The following RAB8A variants were observed in gnomAD, a reference collection of about 807,000 sequenced individuals.
RAB8A encodes ras-related protein Rab-8A.
A neutral mutation model predicts 29.2 loss-of-function variants in RAB8A; 5 were observed. That is an observed-to-expected ratio of 0.17 (90% CI 0.09 to 0.36). The LOEUF (loss-of-function observed/expected upper bound fraction) is 0.36, where lower values mean the gene tolerates loss of function less well. Among genes scored for constraint, RAB8A ranks in the 10% least tolerant of loss-of-function variants. The probability of loss-of-function intolerance (pLI) is 1.00; values close to 1 mark genes in which losing one functional copy is unlikely to be tolerated. For missense variants in RAB8A, 171 were observed against 272.2 expected (o/e 0.63, Z 2.62); for synonymous variants, 108 against 99.9 (o/e 1.08, Z -0.49).
At chr19:16,123,593 C>G (rs2090884394) in intron 3 of RAB8A, 1 of 152,152 alleles carries the variant, frequency 6.6e-6, no homozygotes, top group Admixed American at 6.5e-5. Flanking sequence ...GGCAGCAGAG[C>G]AAGTATCCGT....
intron 1 of RAB8A, 109 bp from the exon 2 acceptor site, chr19:16,118,117 T>TCTC: frequency 1.2e-6 from 1 of 827,512 alleles, no homozygotes; most frequent in Non-Finnish European, 2.0e-6. Context: ...CCAGGCAGGG[T>TCTC]CTCCGTAAGC....
At chr19:16,119,894 A>C (rs947481660) in intron 2 of RAB8A, among the ~76,000 whole-genome samples, 1 of 151,372 alleles carries the variant, frequency 6.6e-6, no homozygotes, top group East Asian at 2.0e-4. Context: ...GCTCACTGCA[A>C]CCTCCGCCTC....
At chr19:16,112,966 G>A (rs1420426559) in intron 1 of RAB8A, among the ~76,000 whole-genome samples, 1 of 152,154 alleles carries the variant, frequency 6.6e-6, no homozygotes, top group Non-Finnish European at 1.5e-5. Flanking sequence ...AACTAAATCA[G>A]CCACTGCCAC....
At chr19:16,129,851 C>T (rs2090917647) in intron 7 of RAB8A, among the ~76,000 whole-genome samples, 1 of 152,192 alleles carries the variant, frequency 6.6e-6, no homozygotes, top group Admixed American at 6.5e-5. Flanking sequence ...TAGCAGGGAG[C>T]ACACGGCCTT....
chr19:16,124,212 G>A (rs1347568540), intron 3 of RAB8A: 1 of 152,176 alleles, frequency 6.6e-6, no homozygotes, highest in East Asian at 1.9e-4. Context: ...GAGGTTCTTC[G>A]CCATGGTTGC....
At position 16,132,502 on chromosome 19, in the gene RAB8A, T is replaced by C; in HGVS notation, c.*198T>C. On this transcript the variant is annotated 3_prime_UTR_variant, in exon 8 of 8. Transcript: ENST00000300935. This position sits in a 1 kb window ranked among gnomAD's most constrained non-coding sequence, Gnocchi z 5.6. The stretch of plus-strand genomic sequence containing the variant: ...ATCTTTTTCAACTTTGGAGATGGAA[T>C]AAGTTAAAAATTTGCTATTTTTCCT... 1 of 597,036 alleles carries C rather than the reference T, an allele frequency of 1.7e-6. No individual in the cohort carries two copies. The highest frequency in any genetic ancestry group is 3.0e-6 in the Non-Finnish European group (1 of 337,484). The allele number at this position is 597,036 out of a possible 1,614,324, so 37.0% of individuals were successfully genotyped here.
In RAB8A at chr19:16,127,537, TG is replaced by T; in HGVS notation, c.414+13del. On this transcript the variant is annotated intron_variant, in intron 5 of 7. Transcript: ENST00000300935. The surrounding 1 kb of genome is among the most constrained non-coding windows in gnomAD (Gnocchi z 4.8). ...GAACGGGGAGAAAAGGTGGGCATGG[TG>T]GCACAAGGGGCAGAGGGCCTCGGGG... 1.3e-6 allele frequency: 2 copies of T among 1,513,480 alleles called. No individual in the cohort carries two copies. Among genetic ancestry groups the T allele is most frequent in the Non-Finnish European group, 1.8e-6 (2 of 1,131,814 alleles). The allele number at this position is 1,513,480 out of a possible 1,614,324, so 93.8% of individuals were successfully genotyped here.
chr19:16,124,827 C>CA (rs2144992224), intron 3 of RAB8A: 1 of 156,172 alleles, frequency 6.4e-6, no homozygotes, highest in Non-Finnish European at 1.4e-5. Flanking sequence ...GCTGTGGACC[C>CA]AGGCTGAGGC....
Position 16,132,379 on chromosome 19 carries a change from G to A in RAB8A, c.*75G>A, listed in dbSNP as rs191392298. 2.4e-4 allele frequency: 352 copies of A among 1,454,632 alleles called. 1 individual carries two copies. The Middle Eastern group carries it at 4.0e-3, about 17-fold the overall frequency. 90.1% of individuals were successfully genotyped at this position (1,454,632 alleles called of 1,614,324 possible). A position where few individuals can be genotyped will look rare whatever the true frequency, so the allele number is the denominator to read the frequency against. Reference sequence around the variant, plus strand: ...TTCTGAGTGAGCCCCTCACTCAGCCGGGGCCCTCCCACCTCCAACGCCCCG... The same window carrying A: ...TTCTGAGTGAGCCCCTCACTCAGCCAGGGCCCTCCCACCTCCAACGCCCCG... On this transcript the variant is annotated 3_prime_UTR_variant, in exon 8 of 8. Coordinates refer to ENST00000300935, the MANE Select transcript of RAB8A (RefSeq NM_005370.5). This position sits in a 1 kb window ranked among gnomAD's most constrained non-coding sequence, Gnocchi z 5.6.
rs2090825394 is a variant in RAB8A at position 16,111,951 on chromosome 19, CG to C, written c.55del (p.Val19TrpfsTer23). The C allele has an allele frequency of 6.2e-7, 1 of 1,613,882 alleles. No individual in the cohort carries two copies. The highest frequency in any genetic ancestry group is 1.3e-5 in the African/African-American group (1 of 74,920). ...YLFKLLLIGD[S>X]GVGKTCVLFR... is the part of the protein sequence containing the mutation. ...TTCAAGCTGCTGCTGATCGGGGACTCGGGGGTGGGGAAGACCTGTGTCCTGT... is the reference window on the plus strand; with the variant it reads ...TTCAAGCTGCTGCTGATCGGGGACTCGGGGTGGGGAAGACCTGTGTCCTGT... On this transcript the variant is annotated frameshift_variant, in exon 1 of 8. Coordinates refer to ENST00000300935, the MANE Select transcript of RAB8A (RefSeq NM_005370.5). LOFTEE classifies it high-confidence loss of function.
At chr19:16,123,978 A>C (rs1476946441) in intron 3 of RAB8A, 2 of 151,992 alleles carry the variant, frequency 1.3e-5, no homozygotes, top group African/African-American at 4.8e-5. Flanking sequence ...CTGCCCCACT[A>C]ACGTCCAGGT....
chr19:16,114,731 C>T (rs1377339109), intron 1 of RAB8A, among the ~76,000 whole-genome samples: 1 of 152,096 alleles, frequency 6.6e-6, no homozygotes, highest in East Asian at 1.9e-4. Context: ...AAGAGGCTTT[C>T]TTCCATTTGC....
In RAB8A at chr19:16,127,354, T is replaced by A. The variant is rs2090906602; in HGVS notation, c.325-83T>A. On this transcript the variant is annotated intron_variant, in intron 4 of 7. Transcript: ENST00000300935. This position sits in a 1 kb window ranked among gnomAD's most constrained non-coding sequence, Gnocchi z 4.8. ...GCAGTCCTGACCCCACCGCTCTGATTTCTGGGGACAGACTGTGTGTTGGCA... is the reference window on the plus strand; with the variant it reads ...GCAGTCCTGACCCCACCGCTCTGATATCTGGGGACAGACTGTGTGTTGGCA... The A allele has an allele frequency of 2.1e-6, 2 of 931,168 alleles. No homozygotes were observed. Among genetic ancestry groups the A allele is most frequent in the South Asian group, 5.8e-5 (2 of 34,630 alleles). The allele number at this position is 931,168 out of a possible 1,614,324, so 57.7% of individuals were successfully genotyped here.
At chr19:16,120,131 C>G (rs1168997364) in intron 2 of RAB8A, among the ~76,000 whole-genome samples, 1 of 151,818 alleles carries the variant, frequency 6.6e-6, no homozygotes, top group African/African-American at 2.4e-5. Flanking sequence ...TGTTTTTAAC[C>G]ACTCATGTCT....
In RAB8A at chr19:16,112,241, T is replaced by G. The variant is rs906936456; in HGVS notation, c.124+216T>G. On this transcript the variant is annotated intron_variant, in intron 1 of 7. Coordinates refer to ENST00000300935, the MANE Select transcript of RAB8A (RefSeq NM_005370.5). ...GTGCCCATTTTGCAGATAGGGAGAC[T>G]GAGGCTCCGACCCTCAGCCCGCTCG... The G allele has an allele frequency of 8.2e-6, 5 of 609,148 alleles. No individual in the cohort carries two copies. The East Asian group carries it at 1.5e-4, about 19-fold the overall frequency. The allele number at this position is 609,148 out of a possible 1,614,324, so 37.7% of individuals were successfully genotyped here. A position where few individuals can be genotyped will look rare whatever the true frequency, so the allele number is the denominator to read the frequency against.
intron 7 of RAB8A, among the ~76,000 whole-genome samples, chr19:16,130,235 T>C (rs1390732915): frequency 6.6e-6 from 1 of 152,112 alleles, no homozygotes; most frequent in Non-Finnish European, 1.5e-5. Flanking sequence ...ATCAAACACT[T>C]CCCTGTACTT....
chr19:16,114,975 C>T (rs1192131432), intron 1 of RAB8A, among the ~76,000 whole-genome samples: 7 of 151,446 alleles, frequency 4.6e-5, no homozygotes, highest in Admixed American at 3.9e-4. Flanking sequence ...GAGTGTAGGG[C>T]GGAGTGCTGC....
intron 1 of RAB8A, among the ~76,000 whole-genome samples, chr19:16,117,705 A>G (rs2090852547): frequency 6.8e-6 from 1 of 146,936 alleles, no homozygotes; most frequent in East Asian, 1.9e-4. Flanking sequence ...GTGATCTTCA[A>G]GGGGGCCTTA....
intron 7 of RAB8A, among the ~76,000 whole-genome samples, chr19:16,131,606 GA>G (rs577621595): frequency 2.3e-4 from 35 of 151,608 alleles, no homozygotes; most frequent in Non-Finnish European, 4.6e-4. Context: ...TGGATGGTTG[GA>G]AAGGGATGGA....
Sources: allele counts gnomAD v4.1 joint callset (sites outside exome capture counted in the v4.1 genomes callset), GRCh38; gene constraint gnomAD v4.1.1; non-coding constraint Gnocchi (gnomAD v3.1); transcripts MANE v1.5; gene names NCBI Gene and HGNC (gene_info 2026-07-23, HGNC 2026-07-21).